The following GALNTL6 variants were observed in gnomAD, a reference collection of about 807,000 sequenced individuals.
GALNTL6 encodes the protein polypeptide N-acetylgalactosaminyltransferase like 6, also known as polypeptide N-acetylgalactosaminyltransferase-like 6.
GALNTL6 carries 46 observed loss-of-function variants against 73.7 expected under a neutral mutation model. That is an observed-to-expected ratio of 0.62 (90% CI 0.49 to 0.80). The LOEUF (loss-of-function observed/expected upper bound fraction) is 0.80, where lower values mean the gene tolerates loss of function less well. Among genes scored for constraint, GALNTL6 ranks in the 30% least tolerant of loss-of-function variants. The pLI, the probability that GALNTL6 is intolerant of heterozygous loss-of-function variation, is 0.00. For synonymous variants in GALNTL6, 259 were observed against 263.7 expected (o/e 0.98, Z 0.17); for missense variants, 604 against 755.0 (o/e 0.80, Z 2.34).
intron 4 of GALNTL6, among the ~76,000 whole-genome samples, chr4:172,332,816 C>T (rs1353813571): frequency 6.6e-6 from 1 of 152,024 alleles, no homozygotes; most frequent in African/African-American, 2.4e-5. Context: ...TGGGAAGATA[C>T]CCAGTTGTGG....
chr4:172,590,903 C>T (rs1041213777), intron 5 of GALNTL6, among the ~76,000 whole-genome samples: 7 of 152,016 alleles, frequency 4.6e-5, no homozygotes, highest in African/African-American at 1.4e-4. Flanking sequence ...AATCTATGGT[C>T]TCTTGTTTGT....
intron 2 of GALNTL6, among the ~76,000 whole-genome samples, chr4:171,904,980 A>T (rs1737227591): frequency 6.6e-6 from 1 of 152,220 alleles, no homozygotes; most frequent in African/African-American, 2.4e-5. Context: ...GCCCTAAAAC[A>T]GCTCCTGAAG....
chr4:172,688,724 A>G (rs2111251203), intron 5 of GALNTL6, among the ~76,000 whole-genome samples: 1 of 152,304 alleles, frequency 6.6e-6, no homozygotes, highest in East Asian at 1.9e-4. Flanking sequence ...CACTATGGAA[A>G]TGGCTCTCCC....
chr4:172,631,312 T>C (rs1739388880), intron 5 of GALNTL6, among the ~76,000 whole-genome samples: 1 of 151,930 alleles, frequency 6.6e-6, no homozygotes, highest in Admixed American at 6.6e-5. Flanking sequence ...GCCTGGCTGA[T>C]TTTTTGTATT....
chr4:173,028,750 A>G (rs1216417839), intron 12 of GALNTL6, among the ~76,000 whole-genome samples: 1 of 152,208 alleles, frequency 6.6e-6, no homozygotes, highest in East Asian at 1.9e-4. Flanking sequence ...TCTCAAAACT[A>G]CATATGCAAC....
rs542822875 is a variant in GALNTL6, at chr4:172,540,551, T to C, written c.553+191862T>C. On this transcript the variant is annotated intron_variant, in intron 5 of 12. Transcript: ENST00000506823. Reference sequence around the variant, plus strand: ...AGAAAAATACAAATCCAAGAAGCCTTGACTAAGTGGCCCCGAGGTGGTTGG... The same window carrying C: ...AGAAAAATACAAATCCAAGAAGCCTCGACTAAGTGGCCCCGAGGTGGTTGG... Among the ~76,000 whole-genome samples, 33 of 152,340 alleles carry C rather than the reference T, an allele frequency of 2.2e-4. 1 individual carries two copies. The South Asian group carries it at 6.0e-3, about 28-fold the overall frequency.
intron 3 of GALNTL6, among the ~76,000 whole-genome samples, chr4:172,243,863 G>A (rs1046628492): frequency 2.0e-5 from 3 of 152,120 alleles, no homozygotes; most frequent in Admixed American, 2.0e-4. Context: ...AAGCAGAAAT[G>A]TGCACCATTT....
chr4:172,952,340 C>G, intron 10 of GALNTL6, 82 bp downstream of exon 10: 1 of 905,826 alleles, frequency 1.1e-6, no homozygotes, highest in East Asian at 2.6e-5. Flanking sequence ...GGAGGGACTG[C>G]TAAAACCTTC....
chr4:172,697,585 G>T (rs996188178), intron 5 of GALNTL6, among the ~76,000 whole-genome samples: 1 of 152,130 alleles, frequency 6.6e-6, no homozygotes, highest in Non-Finnish European at 1.5e-5. Context: ...AGGACAAGTA[G>T]ATTACAAAAG....
In GALNTL6 at chr4:172,761,666, T is replaced by C. The variant is rs562501345; in HGVS notation, c.554-47695T>C. On this transcript the variant is annotated intron_variant, in intron 5 of 12. Coordinates refer to ENST00000506823, the MANE Select transcript of GALNTL6 (RefSeq NM_001034845.3). ...AAGTGTGAGAGCTTCGCCCTTGCTC[T>C]CTTTCTCTCTCTCTCTCTCTCTCTC... is the stretch of plus-strand genomic sequence containing the variant. 3.8e-5 allele frequency among the ~76,000 whole-genome samples: 4 copies of C among 106,612 alleles called. No individual in the cohort carries two copies. The South Asian group carries it at 1.4e-3, about 38-fold the overall frequency. 69.9% of individuals were successfully genotyped at this position (106,612 alleles called of 152,430 possible). A position where few individuals can be genotyped will look rare whatever the true frequency, so the allele number is the denominator to read the frequency against.
intron 2 of GALNTL6, among the ~76,000 whole-genome samples, chr4:172,220,299 A>G (rs1251562369): frequency 4.0e-5 from 6 of 151,754 alleles, no homozygotes; most frequent in Non-Finnish European, 8.9e-5. Flanking sequence ...GGTTATATGA[A>G]TGAGGGCTTC....
At chr4:172,531,564 T>A (rs1735170627) in intron 5 of GALNTL6, among the ~76,000 whole-genome samples, 1 of 152,162 alleles carries the variant, frequency 6.6e-6, no homozygotes, top group South Asian at 2.1e-4. Flanking sequence ...TGGAAACCAC[T>A]ACACATGGAC....
chr4:172,693,439 C>G (rs1540470), intron 5 of GALNTL6, among the ~76,000 whole-genome samples: 80,466 of 151,954 alleles, frequency 0.53, 22,255 homozygotes, highest in African/African-American at 0.7. Flanking sequence ...TCATCTGTAC[C>G]AACAATCTCT....
At chr4:172,978,854 T>C (rs939653861) in intron 10 of GALNTL6, among the ~76,000 whole-genome samples, 1 of 152,222 alleles carries the variant, frequency 6.6e-6, no homozygotes, top group African/African-American at 2.4e-5. Context: ...CTCAGTTCTA[T>C]TGAATTCCCA....
At chr4:172,361,418 G>A (rs1742364886) in intron 5 of GALNTL6, among the ~76,000 whole-genome samples, 1 of 151,992 alleles carries the variant, frequency 6.6e-6, no homozygotes, top group Non-Finnish European at 1.5e-5. Context: ...TCCTACAAGG[G>A]AGCTGAAGGC....
At chr4:172,161,994 A>G (rs1734483398) in intron 2 of GALNTL6, among the ~76,000 whole-genome samples, 1 of 152,082 alleles carries the variant, frequency 6.6e-6, no homozygotes, top group Non-Finnish European at 1.5e-5. Flanking sequence ...GCACAGCAGA[A>G]CTTGATTAAG....
chr4:172,092,644 C>T (rs1027574640), intron 2 of GALNTL6, among the ~76,000 whole-genome samples: 22 of 151,884 alleles, frequency 1.4e-4, no homozygotes, highest in South Asian at 2.1e-4. Flanking sequence ...TATTTCAAAA[C>T]GCAAAAACTT....
intron 2 of GALNTL6, among the ~76,000 whole-genome samples, chr4:171,894,898 G>T (rs984009730): frequency 1.3e-5 from 2 of 151,900 alleles, no homozygotes; most frequent in East Asian, 3.9e-4. Flanking sequence ...AAAAGCCAAA[G>T]ATACAAGGCA....
At chr4:171,968,836 C>CA (rs1488924391) in intron 2 of GALNTL6, among the ~76,000 whole-genome samples, 3 of 101,524 alleles carry the variant, frequency 3.0e-5, no homozygotes, top group Admixed American at 1.1e-4. Flanking sequence ...TTTTTTTGTG[C>CA]GGGGTGGGGG....
Sources: allele counts gnomAD v4.1 joint callset (sites outside exome capture counted in the v4.1 genomes callset), GRCh38; gene constraint gnomAD v4.1.1; transcripts MANE v1.5; gene names NCBI Gene and HGNC (gene_info 2026-07-23, HGNC 2026-07-21).